Variants in FAM13A observed in about 807,000 individuals in gnomAD.
FAM13A encodes the protein family with sequence similarity 13 member A.
A neutral mutation model predicts 129.6 loss-of-function variants in FAM13A; 76 were observed. The observed-to-expected ratio is 0.59, with a 90% CI of 0.49 to 0.71. The LOEUF (loss-of-function observed/expected upper bound fraction) is 0.71, where lower values mean the gene tolerates loss of function less well. Ranked by LOEUF, FAM13A falls within the 30% of genes least tolerant of loss-of-function variation. FAM13A has a pLI of 0.00. For synonymous variants in FAM13A, 443 were observed against 449.9 expected, an observed-to-expected ratio of 0.98 and a Z score of 0.20; for missense variants, 1,108 against 1,249.3, an observed-to-expected ratio of 0.89 and a Z score of 1.70.
At chr4:88,783,410 C>T (rs1467667195) in intron 10 of FAM13A, among the ~76,000 whole-genome samples, 4 of 152,094 alleles carry the variant, frequency 2.6e-5, no homozygotes, top group Admixed American at 2.6e-4. Flanking sequence ...AGCAATTCTC[C>T]TGCCTCAGCC....
intron 1 of FAM13A, among the ~76,000 whole-genome samples, chr4:89,030,617 C>A (rs1240109591): frequency 6.6e-6 from 1 of 151,928 alleles, no homozygotes; most frequent in African/African-American, 2.4e-5. Flanking sequence ...CCAAAGAATC[C>A]TAAGAGTAGA....
intron 6 of FAM13A, among the ~76,000 whole-genome samples, chr4:88,854,781 T>C (rs944270999): frequency 6.6e-6 from 1 of 152,252 alleles, no homozygotes; most frequent in African/African-American, 2.4e-5. Context: ...GCTCTAATTG[T>C]GGCATTTTTA....
chr4:88,961,425 T>TG (rs1156454240), intron 4 of FAM13A, among the ~76,000 whole-genome samples: 2 of 130,200 alleles, frequency 1.5e-5, no homozygotes, highest in Non-Finnish European at 3.1e-5. Flanking sequence ...TGGAGTGCAA[T>TG]GGCATGATCT....
intron 7 of FAM13A, among the ~76,000 whole-genome samples, chr4:88,839,572 C>T (rs191403686): frequency 1.2e-3 from 189 of 152,188 alleles, no homozygotes; most frequent in African/African-American, 4.4e-3. Flanking sequence ...TGGACTTGTT[C>T]AACTGGCAGG....
At chr4:88,731,295 GGGAA>G in intron 23 of FAM13A, 28 bp downstream of exon 23, 11 of 1,225,586 alleles carry the variant, frequency 9.0e-6, no homozygotes, top group Admixed American at 1.7e-5. Context: ...TGCGGCGGGG[GGGAA>G]GGGAGGGTGG....
chr4:88,906,271 A>T, intron 6 of FAM13A, 108 bp downstream of exon 6: 1 of 798,152 alleles, frequency 1.3e-6, no homozygotes, highest in Non-Finnish European at 2.0e-6. Context: ...CTGGACGATA[A>T]AGCAAGACTC....
intron 8 of FAM13A, among the ~76,000 whole-genome samples, chr4:88,799,103 T>A (rs953626435): frequency 5.9e-5 from 9 of 152,072 alleles, no homozygotes; most frequent in Non-Finnish European, 1.2e-4. Flanking sequence ...AATAAATAAA[T>A]AAAAAATAAT....
chr4:88,754,453 C>T (rs1361488617), intron 14 of FAM13A, among the ~76,000 whole-genome samples: 1 of 152,182 alleles, frequency 6.6e-6, no homozygotes, highest in African/African-American at 2.4e-5. Flanking sequence ...AAACCGGGTA[C>T]TGGGATGATT....
chr4:88,834,305 T>C (rs1484373758), intron 7 of FAM13A, among the ~76,000 whole-genome samples: 1 of 152,024 alleles, frequency 6.6e-6, no homozygotes, highest in African/African-American at 2.4e-5. Context: ...CATTCATGTA[T>C]AGAGCATTAT....
At chr4:88,937,407 C>T (rs796148915) in intron 5 of FAM13A, 17 of 152,190 alleles carry the variant, frequency 1.1e-4, no homozygotes, top group African/African-American at 3.6e-4. Context: ...TAAATGACGA[C>T]GAAATAAGAT....
chr4:88,851,955 T>G (rs1372074083), intron 6 of FAM13A, among the ~76,000 whole-genome samples: 2 of 152,154 alleles, frequency 1.3e-5, no homozygotes, highest in Admixed American at 6.5e-5. Context: ...ATGCCAGAAT[T>G]GTAGGAAAAA....
chr4:89,005,415 G>A (rs781442100), intron 3 of FAM13A, among the ~76,000 whole-genome samples: 1 of 152,060 alleles, frequency 6.6e-6, no homozygotes, highest in Non-Finnish European at 1.5e-5. Context: ...GATTTCTATT[G>A]CTCTGGGTAT....
intron 6 of FAM13A, among the ~76,000 whole-genome samples, chr4:88,894,397 A>G (rs928269684): frequency 6.6e-6 from 1 of 152,260 alleles, no homozygotes; most frequent in African/African-American, 2.4e-5. Context: ...CACAGAAGGC[A>G]ACACACTATG....
chr4:88,838,008 C>G (rs73845448), intron 7 of FAM13A, among the ~76,000 whole-genome samples: 1 of 152,000 alleles, frequency 6.6e-6, no homozygotes, highest in East Asian at 1.9e-4. Context: ...CTTTTCTTGT[C>G]ATTATTCCCT....
chr4:88,745,384 A>G (rs532414276), intron 19 of FAM13A, among the ~76,000 whole-genome samples: 1 of 152,314 alleles, frequency 6.6e-6, no homozygotes, highest in East Asian at 1.9e-4. Flanking sequence ...CCCAACTCAG[A>G]GCAACAAATA....
intron 4 of FAM13A, among the ~76,000 whole-genome samples, chr4:88,983,265 A>T (rs1761862654): frequency 6.6e-6 from 1 of 152,158 alleles, no homozygotes; most frequent in African/African-American, 2.4e-5. Context: ...TGAGGAGACA[A>T]AGTAATACTG....
chr4:88,813,814 T>C (rs991715951), intron 7 of FAM13A, among the ~76,000 whole-genome samples: 2 of 152,206 alleles, frequency 1.3e-5, no homozygotes, highest in Admixed American at 1.3e-4. Context: ...GAGCAGCAAC[T>C]GGAAAGTGAA....
In FAM13A at chr4:88,974,565, C is replaced by T. The variant is rs896033307; in HGVS notation, c.605+16408G>A. ...TGATCTTGGCTCACTGCAACCTCCG[C>T]CTCCTGGGTTCATGCAATTCTCTGC... On this transcript the variant is annotated intron_variant, in intron 4 of 23. Transcript: ENST00000264344. Among the ~76,000 whole-genome samples, 15 of 152,188 alleles carry T rather than the reference C, an allele frequency of 9.9e-5. 1 individual carries two copies. Among genetic ancestry groups the T allele is most frequent in the African/African-American group, 3.6e-4 (15 of 41,502 alleles).
chr4:88,800,409 G>A lies in FAM13A; in HGVS notation c.1049+4602C>T, dbSNP rs115599692. 5.6e-3 allele frequency among the ~76,000 whole-genome samples: 855 copies of A among 152,286 alleles called. 8 individuals carry two copies. Among genetic ancestry groups the A allele is most frequent in the African/African-American group, 0.019 (807 of 41,552 alleles). ...CGTTTAGAAACACTATTCTGGCCAGGCGCGGTGGCTCGCACCTGTAATCCC... is the reference window on the plus strand; with the variant it reads ...CGTTTAGAAACACTATTCTGGCCAGACGCGGTGGCTCGCACCTGTAATCCC... On this transcript the variant is annotated intron_variant, in intron 8 of 23. Coordinates refer to ENST00000264344, the MANE Select transcript of FAM13A (RefSeq NM_014883.4).
Sources: allele counts gnomAD v4.1 joint callset (sites outside exome capture counted in the v4.1 genomes callset), GRCh38; gene constraint gnomAD v4.1.1; transcripts MANE v1.5; gene names NCBI Gene and HGNC (gene_info 2026-07-23, HGNC 2026-07-21).